PRKAR2B: variants seen among roughly 807,000 people sequenced by gnomAD.
PRKAR2B encodes the protein cAMP-dependent protein kinase type II-beta regulatory subunit.
PRKAR2B carries 14 observed loss-of-function variants against 49.9 expected under a neutral mutation model. The observed-to-expected ratio is 0.28, with a 90% confidence interval of 0.19 to 0.44. PRKAR2B has a LOEUF of 0.44. Among genes scored for constraint, PRKAR2B ranks in the 20% least tolerant of loss-of-function variants. The pLI, the probability that PRKAR2B is intolerant of heterozygous loss-of-function variation, is 1.00. For synonymous variants in PRKAR2B, 196 were observed against 197.7 expected, an observed-to-expected ratio of 0.99 and a Z score of 0.07; for missense variants, 393 against 537.9, an observed-to-expected ratio of 0.73 and a Z score of 2.67.
chr7:107,095,839 C>A (rs1014361281), intron 2 of PRKAR2B, among the ~76,000 whole-genome samples: 1 of 152,188 alleles, frequency 6.6e-6, no homozygotes, highest in African/African-American at 2.4e-5. Flanking sequence ...AGCCTTGCAT[C>A]CCAGGGATGA....
chr7:107,069,630 G>T (rs916520991), intron 1 of PRKAR2B: 2 of 152,284 alleles, frequency 1.3e-5, no homozygotes, highest in African/African-American at 2.4e-5. Flanking sequence ...GGAGTGGGCA[G>T]ATGGTAGGCT....
Position 107,160,008 on chromosome 7 carries a change from CT to C in PRKAR2B, c.*434del, listed in dbSNP as rs149262174. Reference sequence around the variant, plus strand: ...AAACATGCTACACAGCATGGCATCACTTTTTTTTATAACTCATTAAACACAG... The same window carrying C: ...AAACATGCTACACAGCATGGCATCACTTTTTTTATAACTCATTAAACACAG... On this transcript the variant is annotated 3_prime_UTR_variant, in exon 11 of 11. Coordinates refer to ENST00000265717, the MANE Select transcript of PRKAR2B (RefSeq NM_002736.3). 1.9e-5 allele frequency: 3 copies of C among 154,100 alleles called. No homozygotes were observed. Among genetic ancestry groups the C allele is most frequent in the African/African-American group, 4.8e-5 (2 of 41,472 alleles). 9.5% of individuals were successfully genotyped at this position (154,100 alleles called of 1,614,324 possible). A position where few individuals can be genotyped will look rare whatever the true frequency, so the allele number is the denominator to read the frequency against.
At chr7:107,156,141 A>G (rs1796083282) in intron 8 of PRKAR2B, among the ~76,000 whole-genome samples, 1 of 152,230 alleles carries the variant, frequency 6.6e-6, no homozygotes, top group African/African-American at 2.4e-5. Context: ...GTATTAGGAC[A>G]GATACCTAAT....
intron 2 of PRKAR2B, among the ~76,000 whole-genome samples, chr7:107,073,287 A>G (rs1318352246): frequency 6.6e-6 from 1 of 151,794 alleles, no homozygotes; most frequent in African/African-American, 2.4e-5. Flanking sequence ...CACTTTTAAG[A>G]ACACTATTTG....
At chr7:107,130,661 C>T (rs984338333) in intron 4 of PRKAR2B, among the ~76,000 whole-genome samples, 5 of 152,116 alleles carry the variant, frequency 3.3e-5, no homozygotes, top group Admixed American at 2.0e-4. Context: ...CCACGTTTGC[C>T]GAGTACCATC....
intron 2 of PRKAR2B, among the ~76,000 whole-genome samples, chr7:107,111,908 A>G (rs910336439): frequency 6.7e-6 from 1 of 149,828 alleles, no homozygotes; most frequent in Non-Finnish European, 1.5e-5. Flanking sequence ...GGCTCATGCC[A>G]GTAATCGTAG....
chr7:107,157,235 C>G lies in PRKAR2B; in HGVS notation c.1034C>G (p.Ser345Trp), dbSNP rs777203428. 1.2e-6 allele frequency: 2 copies of G among 1,614,174 alleles called. No individual in the cohort carries two copies. Among genetic ancestry groups the G allele is most frequent in the Non-Finnish European group, 1.7e-6 (2 of 1,180,038 alleles). ...ENGAVEIARC[S>W]RGQYFGELAL... Reference sequence around the variant, plus strand: ...GGTGCAGTAGAAATCGCTCGATGCTCGCGGGGACAGTACTTTGGAGAGCTT... The same window carrying G: ...GGTGCAGTAGAAATCGCTCGATGCTGGCGGGGACAGTACTTTGGAGAGCTT... Residue 345 changes from serine to tryptophan, a missense_variant, in exon 10 of 11, where the codon TCG (serine) becomes TGG (tryptophan). Physicochemically the swap from Ser to Trp is radical, Grantham distance 177. Around this residue, in one of 2 missense-constraint regions of PRKAR2B, gnomAD observed 233 missense variants for 390.4 expected, o/e 0.60. Transcript: ENST00000265717.
intron 2 of PRKAR2B, among the ~76,000 whole-genome samples, chr7:107,109,690 C>T (rs1380566369): frequency 6.6e-6 from 1 of 152,060 alleles, no homozygotes; most frequent in Non-Finnish European, 1.5e-5. Flanking sequence ...ACCATACAAA[C>T]TTTGGTGTCT....
intron 3 of PRKAR2B, among the ~76,000 whole-genome samples, chr7:107,126,086 T>TG (rs1795478141): frequency 1.6e-5 from 1 of 63,700 alleles, no homozygotes. Context: ...AGACTGTGTC[T>TG]TAAAAAAAAA....
At chr7:107,120,683 A>G (rs1312035658) in intron 2 of PRKAR2B, among the ~76,000 whole-genome samples, 1 of 152,196 alleles carries the variant, frequency 6.6e-6, no homozygotes, top group Non-Finnish European at 1.5e-5. Flanking sequence ...GGTCAAAAGC[A>G]GTGATACTTC....
intron 10 of PRKAR2B, 103 bp downstream of exon 10, chr7:107,157,427 G>T: frequency 3.6e-6 from 5 of 1,382,320 alleles, no homozygotes; most frequent in South Asian, 3.2e-5. Flanking sequence ...CAGGTTTTGT[G>T]GTCCCCACAA....
chr7:107,064,634 G>A (rs561109036), intron 1 of PRKAR2B, among the ~76,000 whole-genome samples: 34 of 152,230 alleles, frequency 2.2e-4, no homozygotes, highest in South Asian at 1.7e-3. Flanking sequence ...GAGGGTACCC[G>A]CCAACTATTA....
chr7:107,069,902 A>G (rs1387889705), intron 1 of PRKAR2B: 1 of 156,162 alleles, frequency 6.4e-6, no homozygotes, highest in Non-Finnish European at 1.4e-5. Context: ...GTACTTCTTT[A>G]GGTTAAATCT....
chr7:107,050,436 C>G (rs1351320686), intron 1 of PRKAR2B, among the ~76,000 whole-genome samples: 1 of 129,880 alleles, frequency 7.7e-6, no homozygotes, highest in African/African-American at 3.0e-5. Flanking sequence ...TTTATTGTTG[C>G]AAATCTCATT....
chr7:107,086,754 C>G (rs1230530272), intron 2 of PRKAR2B, among the ~76,000 whole-genome samples: 1 of 152,138 alleles, frequency 6.6e-6, no homozygotes, highest in Non-Finnish European at 1.5e-5. Flanking sequence ...CGCCCCCTCA[C>G]CGGACGAAAA....
At chr7:107,108,925 G>T (rs927887555) in intron 2 of PRKAR2B, among the ~76,000 whole-genome samples, 1 of 152,224 alleles carries the variant, frequency 6.6e-6, no homozygotes, top group Non-Finnish European at 1.5e-5. Context: ...TACAGCAACA[G>T]TGTCCAGCCA....
chr7:107,089,571 T>C (rs938368593), intron 2 of PRKAR2B, among the ~76,000 whole-genome samples: 8 of 152,188 alleles, frequency 5.3e-5, no homozygotes, highest in African/African-American at 1.9e-4. Context: ...TATGGTAAAA[T>C]AAAATTTTGA....
intron 1 of PRKAR2B, among the ~76,000 whole-genome samples, chr7:107,045,829 C>T (rs1032208947): frequency 5.3e-5 from 8 of 152,076 alleles, no homozygotes; most frequent in African/African-American, 1.9e-4. Context: ...TTTTTGGACA[C>T]GTAACAAAGG....
At chr7:107,098,944 A>C (rs901533364) in intron 2 of PRKAR2B, among the ~76,000 whole-genome samples, 18 of 152,180 alleles carry the variant, frequency 1.2e-4, no homozygotes, top group African/African-American at 4.3e-4. Context: ...GGTGTCTCCC[A>C]GTTAGGCTAC....
Sources: allele counts gnomAD v4.1 joint callset (sites outside exome capture counted in the v4.1 genomes callset), GRCh38; gene constraint gnomAD v4.1.1; regional missense constraint gnomAD v4.1.1; transcripts MANE v1.5; gene names NCBI Gene and HGNC (gene_info 2026-07-23, HGNC 2026-07-21).